The following GPC5 variants were observed in gnomAD, a reference collection of about 807,000 sequenced individuals.
GPC5 encodes glypican 5, also known as glypican-5.
GPC5 carries 47 observed loss-of-function variants against 53.9 expected under a neutral mutation model. That is an observed-to-expected ratio of 0.87 (90% CI 0.69 to 1.11). The LOEUF is 1.11. Among genes scored for constraint, GPC5 ranks in the 50% most tolerant of loss-of-function variants. GPC5 has a pLI of 0.00. For synonymous variants in GPC5, 286 were observed against 263.3 expected (o/e 1.09, Z -0.84); for missense variants, 748 against 713.1 (o/e 1.05, Z -0.56).
At chr13:91,833,544 A>G (rs1175211595) in intron 5 of GPC5, among the ~76,000 whole-genome samples, 1 of 152,138 alleles carries the variant, frequency 6.6e-6, no homozygotes, top group Non-Finnish European at 1.5e-5. Flanking sequence ...CAAAAAGCTC[A>G]TCCACCACGA....
At chr13:92,270,310 G>A (rs2042831303) in intron 7 of GPC5, among the ~76,000 whole-genome samples, 1 of 152,190 alleles carries the variant, frequency 6.6e-6, no homozygotes, top group Non-Finnish European at 1.5e-5. Flanking sequence ...TCCGTGGGAA[G>A]TGATTGGAAC....
intron 1 of GPC5, among the ~76,000 whole-genome samples, chr13:91,423,276 C>T (rs548282906): frequency 6.6e-6 from 1 of 152,226 alleles, no homozygotes; most frequent in African/African-American, 2.4e-5. Context: ...CATGTCTCAG[C>T]TTTTTAGTAG....
At chr13:92,757,566 T>G (rs1157648313) in intron 7 of GPC5, among the ~76,000 whole-genome samples, 1 of 151,990 alleles carries the variant, frequency 6.6e-6, no homozygotes, top group Non-Finnish European at 1.5e-5. Flanking sequence ...GGGAGAAAAT[T>G]TTTGCATCCT....
intron 5 of GPC5, among the ~76,000 whole-genome samples, chr13:91,839,992 A>G (rs1215598691): frequency 6.6e-6 from 1 of 151,902 alleles, no homozygotes; most frequent in East Asian, 1.9e-4. Context: ...GCAATGAGGA[A>G]TTAGTCACAA....
chr13:91,758,867 T>A (rs2037350950), intron 5 of GPC5, among the ~76,000 whole-genome samples: 1 of 152,118 alleles, frequency 6.6e-6, no homozygotes, highest in South Asian at 2.1e-4. Flanking sequence ...TCCAACCTCA[T>A]CACCTTAATG....
chr13:91,593,399 T>G (rs75171268), intron 2 of GPC5, among the ~76,000 whole-genome samples: 11,124 of 152,284 alleles, frequency 0.073, 648 homozygotes, highest in South Asian at 0.25. Flanking sequence ...TGTCCTCCAG[T>G]CATGTATTTA....
chr13:91,802,468 G>A (rs1594577901), intron 5 of GPC5, among the ~76,000 whole-genome samples: 1 of 152,304 alleles, frequency 6.6e-6, no homozygotes, highest in South Asian at 2.1e-4. Flanking sequence ...TTATTGTGAA[G>A]AGCAAAAGAA....
chr13:92,303,086 T>G (rs1384704249), intron 7 of GPC5, among the ~76,000 whole-genome samples: 1 of 152,196 alleles, frequency 6.6e-6, no homozygotes, highest in Non-Finnish European at 1.5e-5. Context: ...ACATTTTCAT[T>G]GTTTTTTTCC....
intron 7 of GPC5, among the ~76,000 whole-genome samples, chr13:92,349,426 T>A (rs1266370226): frequency 1.3e-5 from 2 of 151,400 alleles, no homozygotes. Flanking sequence ...ATTACAGGTG[T>A]TAGCCCCGCA....
At chr13:91,510,131 A>C (rs1885158449) in intron 2 of GPC5, among the ~76,000 whole-genome samples, 1 of 152,156 alleles carries the variant, frequency 6.6e-6, no homozygotes, top group Non-Finnish European at 1.5e-5. Flanking sequence ...CAGCTATAGA[A>C]AATTATGTAC....
intron 7 of GPC5, among the ~76,000 whole-genome samples, chr13:92,674,249 C>T (rs999544115): frequency 1.6e-4 from 25 of 152,192 alleles, no homozygotes; most frequent in South Asian, 1.2e-3. Flanking sequence ...TTGTAACAAG[C>T]CTATACAGTC....
At chr13:92,472,225 A>C (rs1371867884) in intron 7 of GPC5, among the ~76,000 whole-genome samples, 1 of 152,004 alleles carries the variant, frequency 6.6e-6, no homozygotes. Context: ...AATGAGTAGA[A>C]TAATACCATC....
intron 7 of GPC5, among the ~76,000 whole-genome samples, chr13:92,291,370 G>A (rs180802564): frequency 1.3e-5 from 2 of 152,238 alleles, no homozygotes; most frequent in South Asian, 2.1e-4. Flanking sequence ...TACACCGATC[G>A]GCACTCTGTA....
At chr13:91,766,585 G>A (rs367812099) in intron 5 of GPC5, among the ~76,000 whole-genome samples, 7 of 152,128 alleles carry the variant, frequency 4.6e-5, no homozygotes, top group East Asian at 3.9e-4. Flanking sequence ...GGGTAAGGCC[G>A]GGCGCGGTGG....
intron 5 of GPC5, among the ~76,000 whole-genome samples, chr13:91,814,975 A>T (rs1209753937): frequency 6.6e-6 from 1 of 152,208 alleles, no homozygotes; most frequent in Non-Finnish European, 1.5e-5. Flanking sequence ...AAAGAATTGT[A>T]TGAGTCTGAA....
chr13:92,653,989 C>A (rs1886043366), intron 7 of GPC5, among the ~76,000 whole-genome samples: 1 of 152,132 alleles, frequency 6.6e-6, no homozygotes, highest in Admixed American at 6.5e-5. Flanking sequence ...GAGAGCCTGA[C>A]TTTTATCCTT....
intron 7 of GPC5, among the ~76,000 whole-genome samples, chr13:92,300,840 T>C (rs1270100537): frequency 1.3e-5 from 2 of 152,202 alleles, no homozygotes; most frequent in African/African-American, 4.8e-5. Flanking sequence ...GGATGCAAAA[T>C]GTGAGTAACT....
At chr13:91,501,551 C>T (rs1030683374) in intron 2 of GPC5, among the ~76,000 whole-genome samples, 1 of 152,140 alleles carries the variant, frequency 6.6e-6, no homozygotes, top group African/African-American at 2.4e-5. Flanking sequence ...CAGCTTCATC[C>T]ATGTCCCTAC....
intron 7 of GPC5, among the ~76,000 whole-genome samples, chr13:92,162,696 C>T (rs2041998627): frequency 6.6e-6 from 1 of 152,122 alleles, no homozygotes; most frequent in Non-Finnish European, 1.5e-5. Flanking sequence ...TGGCATGAGC[C>T]AACTCATGTA....
Sources: allele counts gnomAD v4.1 joint callset (sites outside exome capture counted in the v4.1 genomes callset), GRCh38; gene constraint gnomAD v4.1.1; transcripts MANE v1.5; gene names NCBI Gene and HGNC (gene_info 2026-07-23, HGNC 2026-07-21).